The following ELP2 variants were observed in gnomAD, a reference collection of about 807,000 sequenced individuals.
The protein encoded by ELP2 is elongator complex protein 2.
A neutral mutation model predicts 119.2 loss-of-function variants in ELP2; 90 were observed. That is an observed-to-expected ratio of 0.75 (90% CI 0.64 to 0.90). ELP2 has a LOEUF of 0.90. Among genes scored for constraint, ELP2 ranks in the 40% least tolerant of loss-of-function variants. The pLI is 0.00. For missense variants in ELP2, 921 were observed against 967.8 expected, an observed-to-expected ratio of 0.95 and a Z score of 0.64; for synonymous variants, 339 against 331.0, an observed-to-expected ratio of 1.02 and a Z score of -0.26.
chr18:36,175,854 T>C lies in ELP2; in HGVS notation c.*1213T>C, dbSNP rs772772895. ...TGCAGTGACAGCTGTATATAATAAA[T>C]GTGTTGAAAGGAGGAAGGTGAGGAT... On this transcript the variant is annotated 3_prime_UTR_variant, in exon 22 of 22. Transcript: ENST00000358232. The C allele has an allele frequency of 2.6e-5, 4 of 152,024 alleles. No individual in the cohort carries two copies. Among genetic ancestry groups the C allele is most frequent in the East Asian group, 1.9e-4 (1 of 5,188 alleles). 9.4% of individuals were successfully genotyped at this position (152,024 alleles called of 1,614,324 possible).
At chr18:36,139,903 T>G (rs983155571) in intron 5 of ELP2, 1 of 171,666 alleles carries the variant, frequency 5.8e-6, no homozygotes, top group South Asian at 1.5e-4. Flanking sequence ...CAGGCTGGAG[T>G]GCAGTGGTGA....
chr18:36,143,091 C>CT, intron 8 of ELP2, 125 bp downstream of exon 8: 1 of 678,996 alleles, frequency 1.5e-6, no homozygotes, highest in South Asian at 2.1e-5. Context: ...CCTGAAATTT[C>CT]TTTTTTCTTT....
At chr18:36,160,767 TC>T (rs1019077389) in intron 16 of ELP2, among the ~76,000 whole-genome samples, 164 bp from the exon 17 acceptor site, 1 of 152,190 alleles carries the variant, frequency 6.6e-6, no homozygotes, top group Non-Finnish European at 1.5e-5. Flanking sequence ...TTCTCCCATC[TC>T]CCTGTCTTTC....
intron 21 of ELP2, among the ~76,000 whole-genome samples, chr18:36,172,053 C>G (rs1281035945): frequency 6.6e-6 from 1 of 152,118 alleles, no homozygotes; most frequent in Non-Finnish European, 1.5e-5. Context: ...CTAAATGTGG[C>G]TGGGTGTGTT....
At chr18:36,142,797 A>G in intron 7 of ELP2, 29 bp from the exon 8 acceptor site, 1 of 1,490,544 alleles carries the variant, frequency 6.7e-7, no homozygotes, top group Non-Finnish European at 9.3e-7. Flanking sequence ...ATAATGTTTT[A>G]AAATTAATAC....
chr18:36,145,114 T>G, intron 9 of ELP2, 80 bp downstream of exon 9: 1 of 1,070,906 alleles, frequency 9.3e-7, no homozygotes, highest in Non-Finnish European at 1.5e-6. Flanking sequence ...AAGTGGAGAA[T>G]TTTTTTACTG....
rs2091032382 is a variant in ELP2, at chr18:36,170,091, C to T, written c.2105C>T (p.Thr702Ile). The T allele has an allele frequency of 8.7e-6, 14 of 1,614,026 alleles. No individual in the cohort carries two copies. Among genetic ancestry groups the T allele is most frequent in the Non-Finnish European group, 8.5e-6 (10 of 1,180,032 alleles). The change falls in exon 20 of 22, where the codon ACT becomes ATT. Residue 702 changes from threonine to isoleucine, a missense_variant. Transcript: ENST00000358232. Reference protein sequence around the residue: ...KVVVWGECDSTDDCIEHNIGP... With the variant: ...KVVVWGECDSIDDCIEHNIGP... Reference sequence around the variant, plus strand: ...GTTGTCTGGGGTGAGTGCGACTCCACTGATGACTGTATTGAGCACAACATT... The same window carrying T: ...GTTGTCTGGGGTGAGTGCGACTCCATTGATGACTGTATTGAGCACAACATT...
intron 9 of ELP2, 45 bp downstream of exon 9, chr18:36,145,079 T>G: frequency 7.0e-7 from 1 of 1,427,202 alleles, no homozygotes; most frequent in Non-Finnish European, 9.9e-7. Flanking sequence ...AGTTAAATCT[T>G]ATGGCACAGT....
At chr18:36,170,316 T>C (rs915508008) in intron 20 of ELP2, 120 bp downstream of exon 20, 4 of 1,313,236 alleles carry the variant, frequency 3.0e-6, no homozygotes, top group East Asian at 2.4e-5. Context: ...TTTTTCTTTT[T>C]TTTTTTTTGT....
At chr18:36,151,386 C>A (rs2090394971) in intron 11 of ELP2, among the ~76,000 whole-genome samples, 1 of 152,110 alleles carries the variant, frequency 6.6e-6, no homozygotes, top group South Asian at 2.1e-4. Flanking sequence ...ACCTGCCCTG[C>A]CTTCCAGCTT....
chr18:36,159,723 T>G lies in ELP2; in HGVS notation c.1535-12T>G. 1 of 1,596,060 alleles carries G rather than the reference T, an allele frequency of 6.3e-7. No individual in the cohort carries two copies. The highest frequency in any genetic ancestry group is 8.6e-7 in the Non-Finnish European group (1 of 1,164,020). On this transcript the variant is annotated splice_polypyrimidine_tract_variant and intron_variant, in intron 14 of 21. Coordinates refer to ENST00000358232, the MANE Select transcript of ELP2 (RefSeq NM_018255.4). ...ATAGTGACTATATTCTTGATGTGTT[T>G]CTTCAAACTAGGAGATATAGCTTCT... is the stretch of plus-strand genomic sequence containing the variant.
Position 36,138,395 on chromosome 18 carries a change from T to G in ELP2, c.414T>G (p.Ala138=). ...TLIVSAAADS[A]VRLWSKKGPE... Reference sequence around the variant, plus strand: ...TCGTTTCTGCAGCTGCAGATTCTGCTGTTCGACTCTGGTCTAAAAAGGGTC... The same window carrying G: ...TCGTTTCTGCAGCTGCAGATTCTGCGGTTCGACTCTGGTCTAAAAAGGGTC... Residue 138 remains alanine (A), a synonymous_variant, in exon 4 of 22, where the codon GCT becomes GCG. Transcript: ENST00000358232. 6.2e-7 allele frequency: 1 copy of G among 1,614,156 alleles called. No individual in the cohort carries two copies. Among genetic ancestry groups the G allele is most frequent in the Non-Finnish European group, 8.5e-7 (1 of 1,180,016 alleles).
intron 11 of ELP2, among the ~76,000 whole-genome samples, chr18:36,151,047 C>T (rs2090381169): frequency 6.7e-6 from 1 of 150,158 alleles, no homozygotes; most frequent in Non-Finnish European, 1.5e-5. Context: ...CACGCCAGAT[C>T]AGATTTTTCA....
rs561853812 is a variant in ELP2 at position 36,149,483 on chromosome 18, G to GTTTTTTTTTTTTTTTT, written c.1125+3106_1125+3107insTTTTTTTTTTTTTTTT. ...ACATAGTTGCAGGGTTTTTTGTTTT[G>GTTTTTTTTTTTTTTTT]TTTTGTTTTTTTTTTTTTTGCTTAG... On this transcript the variant is annotated intron_variant, in intron 11 of 21. Transcript: ENST00000358232. Among the ~76,000 whole-genome samples, 1,007 of 101,578 alleles carry GTTTTTTTTTTTTTTTT rather than the reference G, an allele frequency of 9.9e-3. 60 individuals are homozygous for GTTTTTTTTTTTTTTTT. The highest frequency in any genetic ancestry group is 0.014 in the Middle Eastern group (2 of 144). The allele number at this position is 101,578 out of a possible 152,430, so 66.6% of individuals were successfully genotyped here. A position where few individuals can be genotyped will look rare whatever the true frequency, so the allele number is the denominator to read the frequency against.
Position 36,146,459 on chromosome 18 carries a change from ACT to A in ELP2, c.1125+81_1125+82del, listed in dbSNP as rs2090206505. ...AGGTAAATAGTATTTTGCTTATAACACTCTACAGAAACATAGTAGAGGCACTT... is the reference window on the plus strand; with the variant it reads ...AGGTAAATAGTATTTTGCTTATAACACTACAGAAACATAGTAGAGGCACTT... On this transcript the variant is annotated intron_variant, in intron 11 of 21. Transcript: ENST00000358232. 8 of 1,500,656 alleles carry A rather than the reference ACT, an allele frequency of 5.3e-6. No individual in the cohort carries two copies. In the South Asian group the frequency reaches 8.0e-5, roughly 15 times the overall value. The allele number at this position is 1,500,656 out of a possible 1,614,324, so 93.0% of individuals were successfully genotyped here.
At chr18:36,159,932 A>G in intron 15 of ELP2, 26 bp from the exon 16 acceptor site, 1 of 1,613,206 alleles carries the variant, frequency 6.2e-7, no homozygotes, top group Non-Finnish European at 8.5e-7. Context: ...TTTTACATAG[A>G]AAAAAATAGC....
intron 6 of ELP2, among the ~76,000 whole-genome samples, chr18:36,141,777 A>G (rs1461527052): frequency 6.8e-6 from 1 of 147,306 alleles, no homozygotes; most frequent in African/African-American, 2.5e-5. Context: ...TGTAGTCTTG[A>G]CTTCCTGGGG....
rs1396900753 is a variant in ELP2 at position 36,176,181 on chromosome 18, C to G, written c.*1540C>G. ...TAGGGCCCATCTCAGTTCAGACTAG[C>G]CACATTTAAGTGCTTCATAGCCACA... is the stretch of plus-strand genomic sequence containing the variant. On this transcript the variant is annotated 3_prime_UTR_variant, in exon 22 of 22. Transcript: ENST00000358232. The G allele has an allele frequency of 1.3e-5, 2 of 152,138 alleles. No individual in the cohort carries two copies. Among genetic ancestry groups the G allele is most frequent in the Non-Finnish European group, 2.9e-5 (2 of 68,026 alleles). The allele number at this position is 152,138 out of a possible 1,614,324, so 9.4% of individuals were successfully genotyped here. A position where few individuals can be genotyped will look rare whatever the true frequency, so the allele number is the denominator to read the frequency against.
chr18:36,138,171 A>G (rs1252267562), intron 3 of ELP2, 99 bp from the exon 4 acceptor site: 22 of 1,299,508 alleles, frequency 1.7e-5, no homozygotes, highest in African/African-American at 2.9e-5. Context: ...TAGAGGACCT[A>G]TTTCTGGCTC....
Sources: allele counts gnomAD v4.1 joint callset (sites outside exome capture counted in the v4.1 genomes callset), GRCh38; gene constraint gnomAD v4.1.1; transcripts MANE v1.5; gene names NCBI Gene and HGNC (gene_info 2026-07-23, HGNC 2026-07-21).